The following COL25A1 variants were observed in gnomAD, a reference collection of about 807,000 sequenced individuals.
COL25A1 encodes the protein collagen type XXV alpha 1 chain.
COL25A1 carries 103 observed loss-of-function variants against 128.4 expected under a neutral mutation model. The observed-to-expected ratio is 0.80, with a 90% CI of 0.68 to 0.94. The LOEUF is 0.94. Ranked by LOEUF, COL25A1 falls within the 40% of genes least tolerant of loss-of-function variation. COL25A1 has a pLI of 0.00. For missense variants in COL25A1, 745 were observed against 840.0 expected (o/e 0.89, Z 1.40); for synonymous variants, 279 against 277.2 (o/e 1.01, Z -0.06).
intron 3 of COL25A1, among the ~76,000 whole-genome samples, chr4:109,163,294 G>C (rs186500461): frequency 3.3e-5 from 5 of 152,338 alleles, no homozygotes; most frequent in Non-Finnish European, 5.9e-5. Flanking sequence ...AAGGTTTAGA[G>C]ATGTGTACAG....
At chr4:109,066,433 A>C (rs1190923416) in intron 3 of COL25A1, among the ~76,000 whole-genome samples, 1 of 152,206 alleles carries the variant, frequency 6.6e-6, no homozygotes, top group Non-Finnish European at 1.5e-5. Flanking sequence ...AATTTGATTA[A>C]TACTTTGAAT....
intron 3 of COL25A1, among the ~76,000 whole-genome samples, chr4:109,188,608 G>T (rs1221381730): frequency 1.3e-5 from 2 of 152,076 alleles, no homozygotes; most frequent in Non-Finnish European, 1.5e-5. Context: ...TCGTACCAAA[G>T]GGGTCCCAAG....
At chr4:109,027,026 T>G (rs1164504202) in intron 5 of COL25A1, among the ~76,000 whole-genome samples, 1 of 152,158 alleles carries the variant, frequency 6.6e-6, no homozygotes, top group Non-Finnish European at 1.5e-5. Flanking sequence ...GGAATAAAAT[T>G]GATTATTTAT....
intron 11 of COL25A1, among the ~76,000 whole-genome samples, chr4:108,932,069 G>A (rs1746818870): frequency 6.6e-6 from 1 of 152,120 alleles, no homozygotes; most frequent in South Asian, 2.1e-4. Flanking sequence ...TTGAAGGTTT[G>A]GGGGTCTTGC....
At chr4:109,055,950 T>C (rs1761412714) in intron 3 of COL25A1, among the ~76,000 whole-genome samples, 1 of 152,232 alleles carries the variant, frequency 6.6e-6, no homozygotes, top group South Asian at 2.1e-4. Context: ...GGGTTGTTTG[T>C]TTTAAATATC....
At chr4:109,061,094 A>G (rs928099329) in intron 3 of COL25A1, among the ~76,000 whole-genome samples, 12 of 152,178 alleles carry the variant, frequency 7.9e-5, no homozygotes, top group African/African-American at 2.7e-4. Context: ...GTTTTCTCCT[A>G]TCTAACAAAT....
At chr4:108,996,512 C>T (rs962917127) in intron 6 of COL25A1, among the ~76,000 whole-genome samples, 87 of 152,230 alleles carry the variant, frequency 5.7e-4, no homozygotes, top group African/African-American at 1.9e-3. Flanking sequence ...GACTCCCACA[C>T]AATGATAATG....
chr4:108,901,927 CT>C (rs1742896470), intron 13 of COL25A1, among the ~76,000 whole-genome samples: 1 of 152,032 alleles, frequency 6.6e-6, no homozygotes, highest in Non-Finnish European at 1.5e-5. Flanking sequence ...GGAAAAGATA[CT>C]TTGGGCCTTT....
chr4:109,217,091 T>C (rs891357007), intron 3 of COL25A1, among the ~76,000 whole-genome samples: 4 of 152,160 alleles, frequency 2.6e-5, no homozygotes, highest in Non-Finnish European at 4.4e-5. Context: ...CAAGTTTGCC[T>C]AACAAATACT....
chr4:109,163,026 G>A (rs1772731295), intron 3 of COL25A1, among the ~76,000 whole-genome samples: 1 of 152,098 alleles, frequency 6.6e-6, no homozygotes, highest in East Asian at 1.9e-4. Flanking sequence ...GGTAATTCTT[G>A]TGAAGCTGCA....
chr4:109,012,607 G>A (rs975161777), intron 5 of COL25A1, among the ~76,000 whole-genome samples: 2 of 152,144 alleles, frequency 1.3e-5, no homozygotes, highest in Non-Finnish European at 2.9e-5. Context: ...GGCAGTAAGG[G>A]GCTTAGCACC....
At chr4:109,017,446 G>A (rs1190232348) in intron 5 of COL25A1, among the ~76,000 whole-genome samples, 1 of 152,242 alleles carries the variant, frequency 6.6e-6, no homozygotes, top group Non-Finnish European at 1.5e-5. Flanking sequence ...AGCTGGAAAA[G>A]TGACACCCAA....
intron 3 of COL25A1, among the ~76,000 whole-genome samples, chr4:109,166,039 C>T (rs1422661273): frequency 6.6e-6 from 1 of 152,080 alleles, no homozygotes; most frequent in Non-Finnish European, 1.5e-5. Flanking sequence ...TTTAAAATAA[C>T]TTGCACTAAG....
intron 19 of COL25A1, among the ~76,000 whole-genome samples, chr4:108,869,787 A>T (rs1311663630): frequency 6.6e-6 from 1 of 152,214 alleles, no homozygotes; most frequent in East Asian, 1.9e-4. Flanking sequence ...AGCAAAAGCC[A>T]TAATGGCTTT....
At chr4:109,173,825 T>C (rs937204742) in intron 3 of COL25A1, among the ~76,000 whole-genome samples, 26 of 152,258 alleles carry the variant, frequency 1.7e-4, no homozygotes, top group African/African-American at 5.3e-4. Flanking sequence ...CAGTGAGGAT[T>C]TGTATTTTTT....
chr4:109,016,508 A>G (rs544569405), intron 5 of COL25A1, among the ~76,000 whole-genome samples: 1 of 152,356 alleles, frequency 6.6e-6, no homozygotes, highest in Admixed American at 6.5e-5. Flanking sequence ...TGGGGACCAG[A>G]CTGCCAGTTC....
chr4:108,929,847 A>G (rs986226409), intron 11 of COL25A1, among the ~76,000 whole-genome samples: 2 of 152,066 alleles, frequency 1.3e-5, no homozygotes, highest in African/African-American at 4.8e-5. Flanking sequence ...AACAAAACAA[A>G]AGAAGAAAAA....
chr4:109,274,035 C>T (rs182658524), intron 3 of COL25A1, among the ~76,000 whole-genome samples: 10 of 152,260 alleles, frequency 6.6e-5, no homozygotes, highest in East Asian at 1.9e-4. Context: ...TGGCAAAAAA[C>T]GGAACTATTA....
intron 29 of COL25A1, 104 bp from the exon 30 acceptor site, chr4:108,844,673 G>A (rs905215500): frequency 6.9e-7 from 1 of 1,440,214 alleles, no homozygotes; most frequent in Non-Finnish European, 9.3e-7. Context: ...AGTAGTTGGA[G>A]AGGAAGAAAG....
Sources: allele counts gnomAD v4.1 joint callset (sites outside exome capture counted in the v4.1 genomes callset), GRCh38; gene constraint gnomAD v4.1.1; transcripts MANE v1.5; gene names NCBI Gene and HGNC (gene_info 2026-07-23, HGNC 2026-07-21).